The following EXOC6B variants were observed in gnomAD, a reference collection of about 807,000 sequenced individuals.
EXOC6B encodes SEC15 homolog B.
Under a neutral mutation model 113.5 loss-of-function variants are expected in EXOC6B, and 54 were observed. That is an observed-to-expected ratio of 0.48 (90% CI 0.38 to 0.60). The LOEUF (loss-of-function observed/expected upper bound fraction) is 0.60. Among genes scored for constraint, EXOC6B ranks in the 20% least tolerant of loss-of-function variants. The pLI is 0.00. For missense variants in EXOC6B, 797 were observed against 977.5 expected (o/e 0.82, Z 2.46); for synonymous variants, 357 against 339.0 (o/e 1.05, Z -0.58).
chr2:72,523,246 C>T (rs560920811), intron 8 of EXOC6B, among the ~76,000 whole-genome samples: 4 of 152,272 alleles, frequency 2.6e-5, no homozygotes, highest in African/African-American at 9.6e-5. Context: ...GAGAAAGAAA[C>T]GGCCAGATGA....
chr2:72,524,331 G>A (rs1008120031), intron 8 of EXOC6B, among the ~76,000 whole-genome samples: 1 of 151,960 alleles, frequency 6.6e-6, no homozygotes, highest in African/African-American at 2.4e-5. Flanking sequence ...CTAAAGATTA[G>A]ACTACAAAAA....
chr2:72,728,868 G>A (rs1274660351), intron 5 of EXOC6B, among the ~76,000 whole-genome samples: 2 of 152,144 alleles, frequency 1.3e-5, no homozygotes, highest in East Asian at 3.8e-4. Flanking sequence ...GGAACTGGCA[G>A]GGGAAATGTG....
chr2:72,621,710 C>T (rs541249921), intron 6 of EXOC6B, among the ~76,000 whole-genome samples: 3 of 152,256 alleles, frequency 2.0e-5, no homozygotes, highest in Non-Finnish European at 4.4e-5. Flanking sequence ...AATGTTTACA[C>T]TTCAAAATGA....
intron 18 of EXOC6B, among the ~76,000 whole-genome samples, chr2:72,384,831 A>C (rs1368603496): frequency 6.6e-6 from 1 of 152,128 alleles, no homozygotes; most frequent in Non-Finnish European, 1.5e-5. Flanking sequence ...TATATTTAAA[A>C]GTATAAAACA....
intron 20 of EXOC6B, among the ~76,000 whole-genome samples, chr2:72,228,959 T>C (rs891105526): frequency 1.3e-5 from 2 of 152,206 alleles, no homozygotes; most frequent in African/African-American, 2.4e-5. Context: ...ATCGCTATTC[T>C]AATTGGTGTG....
intron 21 of EXOC6B, among the ~76,000 whole-genome samples, chr2:72,179,758 G>A (rs1347213390): frequency 2.0e-5 from 3 of 152,150 alleles, no homozygotes; most frequent in Non-Finnish European, 2.9e-5. Flanking sequence ...CTCTCAGCAG[G>A]TATGTACCTG....
chr2:72,463,427 G>C (rs1697830174), intron 18 of EXOC6B: 3 of 152,116 alleles, frequency 2.0e-5, no homozygotes, highest in African/African-American at 4.8e-5. Context: ...ACTGCAGAGA[G>C]GACAAAACCT....
intron 6 of EXOC6B, among the ~76,000 whole-genome samples, chr2:72,622,145 T>A (rs1164465390): frequency 6.6e-6 from 1 of 151,294 alleles, no homozygotes; most frequent in Non-Finnish European, 1.5e-5. Context: ...AGGATTAGAA[T>A]GGGAAAAGAT....
intron 18 of EXOC6B, among the ~76,000 whole-genome samples, chr2:72,398,288 G>A (rs570565205): frequency 6.6e-6 from 1 of 152,252 alleles, no homozygotes; most frequent in South Asian, 2.1e-4. Flanking sequence ...TGGGTTTCAA[G>A]CCTGCCAGTG....
chr2:72,209,417 G>C (rs1158543353), intron 20 of EXOC6B, among the ~76,000 whole-genome samples: 1 of 152,060 alleles, frequency 6.6e-6, no homozygotes. Context: ...CTGAGGCTGA[G>C]GTGGGAGGAT....
rs1696091852 is a variant in EXOC6B, at chr2:72,439,814, C to A, written c.1980+25346G>T. Among the ~76,000 whole-genome samples, 4 of 152,290 alleles carry A rather than the reference C, an allele frequency of 2.6e-5. No individual in the cohort carries two copies. In the South Asian group the frequency reaches 8.3e-4, roughly 32 times the overall value. On this transcript the variant is annotated intron_variant, in intron 18 of 21. Transcript: ENST00000272427. ...AAAGAGGGTACTCTGGCTTTTTGAG[C>A]TTTCAGTGTCTTGCACTGATTCTTT...
chr2:72,349,314 T>C (rs968005229), intron 19 of EXOC6B, among the ~76,000 whole-genome samples: 1 of 152,158 alleles, frequency 6.6e-6, no homozygotes, highest in Admixed American at 6.5e-5. Context: ...TTTTGTTATT[T>C]ATAACGAGCT....
chr2:72,574,251 A>G (rs1044917618), intron 7 of EXOC6B, among the ~76,000 whole-genome samples: 17 of 152,200 alleles, frequency 1.1e-4, no homozygotes, highest in Admixed American at 9.2e-4. Context: ...TGCCAATTCA[A>G]CTTTTGAAGT....
intron 14 of EXOC6B, among the ~76,000 whole-genome samples, chr2:72,496,148 G>C (rs1700024304): frequency 1.3e-5 from 2 of 152,096 alleles, no homozygotes; most frequent in Admixed American, 1.3e-4. Context: ...ATAAAAACAA[G>C]TATTTCAAAG....
chr2:72,431,133 G>A (rs1208197525), intron 18 of EXOC6B, among the ~76,000 whole-genome samples: 2 of 152,098 alleles, frequency 1.3e-5, no homozygotes, highest in South Asian at 4.1e-4. Flanking sequence ...GAGCACTAAG[G>A]CCCCAGTATC....
intron 6 of EXOC6B, among the ~76,000 whole-genome samples, chr2:72,614,967 C>T (rs1023452908): frequency 6.6e-6 from 1 of 151,946 alleles, no homozygotes; most frequent in Non-Finnish European, 1.5e-5. Flanking sequence ...ACAGACTACA[C>T]CATAGAAGTA....
chr2:72,480,671 T>C lies in EXOC6B; in HGVS notation c.1745A>G (p.Asn582Ser). 2 of 1,591,952 alleles carry C rather than the reference T, an allele frequency of 1.3e-6. No homozygotes were observed. Among genetic ancestry groups the C allele is most frequent in the Non-Finnish European group, 8.6e-7 (1 of 1,167,812 alleles). ...AGTGTGAACTGTCTCTGGAAGCACA[T>C]TAGTGATGTTGGTGATAAATTCTTC... ...YLEEFITNITNVLPETVHTTK... is the reference protein window; with the variant it reads ...YLEEFITNITSVLPETVHTTK... Residue 582 changes from asparagine to serine, a missense_variant, in exon 17 of 22, where the codon AAT (asparagine) becomes AGT (serine). Transcript: ENST00000272427.
intron 18 of EXOC6B, chr2:72,464,735 A>T (rs1170237345): frequency 5.9e-6 from 1 of 168,228 alleles, no homozygotes; most frequent in Admixed American, 6.0e-5. Context: ...GCTTAAGAAA[A>T]CAGAGAAAAC....
intron 18 of EXOC6B, among the ~76,000 whole-genome samples, chr2:72,416,892 C>T (rs528356973): frequency 2.0e-5 from 3 of 152,196 alleles, no homozygotes; most frequent in African/African-American, 7.2e-5. Context: ...TTTGCAGGAC[C>T]TTGACTGAAT....
Sources: allele counts gnomAD v4.1 joint callset (sites outside exome capture counted in the v4.1 genomes callset), GRCh38; gene constraint gnomAD v4.1.1; transcripts MANE v1.5; gene names NCBI Gene and HGNC (gene_info 2026-07-23, HGNC 2026-07-21).